Variants in BCO1 observed in about 807,000 individuals in gnomAD.
BCO1 encodes the protein beta,beta-carotene 15,15'-dioxygenase.
In BCO1, 54 loss-of-function variants were observed where a neutral mutation model predicts 56.3. The ratio of observed to expected loss-of-function variants is 0.96; its 90% CI spans 0.77 to 1.20. The LOEUF (loss-of-function observed/expected upper bound fraction) is 1.20, where lower values mean the gene tolerates loss of function less well. BCO1 is among the 50% of genes most tolerant of loss of function. The probability of loss-of-function intolerance (pLI) is 0.00; values close to 1 mark genes in which losing one functional copy is unlikely to be tolerated. For synonymous variants in BCO1, 318 were observed against 266.1 expected (o/e 1.20, Z -1.90); for missense variants, 801 against 690.9 (o/e 1.16, Z -1.79).
At chr16:81,243,249 G>A (rs535679801) in intron 1 of BCO1, among the ~76,000 whole-genome samples, 1 of 152,150 alleles carries the variant, frequency 6.6e-6, no homozygotes, top group South Asian at 2.1e-4. Flanking sequence ...TTTTTAAATT[G>A]CAGAAAATAT....
intron 1 of BCO1, among the ~76,000 whole-genome samples, chr16:81,240,482 GAT>G (rs1337459922): frequency 6.6e-6 from 1 of 152,118 alleles, no homozygotes; most frequent in African/African-American, 2.4e-5. Flanking sequence ...AAAGAGGGTG[GAT>G]CACTTGAAGC....
At chr16:81,255,911 C>T (rs985841547) in intron 2 of BCO1, among the ~76,000 whole-genome samples, 3 of 151,984 alleles carry the variant, frequency 2.0e-5, no homozygotes, top group Admixed American at 6.6e-5. Flanking sequence ...CTGCAAGCTC[C>T]GCCTCCCAGG....
chr16:81,280,899 A>G lies in BCO1; in HGVS notation c.1144A>G (p.Thr382Ala), dbSNP rs1262132285. 2 of 1,614,174 alleles carry G rather than the reference A, an allele frequency of 1.2e-6. No individual in the cohort carries two copies. Among genetic ancestry groups the G allele is most frequent in the Non-Finnish European group, 8.5e-7 (1 of 1,180,022 alleles). ...GTNLIKVAST[T>A]ATALKEEDGQ... ...AAATTTAATCAAAGTGGCATCTACA[A>G]CAGCCACGGCCCTGAAGGAAGAAGA... Residue 382 changes from threonine to alanine, a missense_variant, in exon 8 of 11, where the codon ACA becomes GCA. Thr to Ala is a moderately conservative substitution (Grantham distance 58, BLOSUM62 0). Transcript: ENST00000258168.
intron 7 of BCO1, among the ~76,000 whole-genome samples, chr16:81,277,957 G>A (rs1907653591): frequency 6.6e-6 from 1 of 152,208 alleles, no homozygotes; most frequent in African/African-American, 2.4e-5. Flanking sequence ...GTCTCTTGCT[G>A]TCACATGCTT....
chr16:81,248,921 A>G (rs1382195009), intron 2 of BCO1, among the ~76,000 whole-genome samples: 2 of 152,070 alleles, frequency 1.3e-5, no homozygotes, highest in Non-Finnish European at 2.9e-5. Flanking sequence ...CTGAGATAGG[A>G]TAATTGCTTG....
At chr16:81,279,375 C>G (rs1335511652) in intron 7 of BCO1, among the ~76,000 whole-genome samples, 1 of 152,146 alleles carries the variant, frequency 6.6e-6, no homozygotes, top group Non-Finnish European at 1.5e-5. Flanking sequence ...TCTTGTTCCT[C>G]AATATCTTCC....
Position 81,245,560 on chromosome 16 carries a change from G to C in BCO1, c.150G>C (p.Trp50Cys). The C allele has an allele frequency of 3.7e-6, 6 of 1,614,208 alleles. No homozygotes were observed. The highest frequency in any genetic ancestry group is 4.2e-6 in the Non-Finnish European group (5 of 1,180,044). Residue 50 changes from tryptophan to cysteine, a missense_variant, in exon 2 of 11, where the codon TGG becomes TGC. Physicochemically the swap from Trp to Cys is radical, Grantham distance 215. Transcript: ENST00000258168. ...TTGGGGAGTCCAGATACAACCATTG[G>C]TTCGACGGCCTTGCCCTGCTCCACA... ...HTVGESRYNH[W>C]FDGLALLHSF...
intron 3 of BCO1, 34 bp from the exon 4 acceptor site, chr16:81,262,102 G>T: frequency 6.2e-7 from 1 of 1,611,208 alleles, no homozygotes. Flanking sequence ...GGTGGACATA[G>T]CCACTGACTC....
intron 7 of BCO1, among the ~76,000 whole-genome samples, chr16:81,278,786 G>A (rs1597372271): frequency 6.6e-6 from 1 of 152,280 alleles, no homozygotes; most frequent in East Asian, 1.9e-4. Context: ...AAAGGCCCCA[G>A]GCACAGGGTC....
intron 1 of BCO1, among the ~76,000 whole-genome samples, chr16:81,244,067 C>A (rs993849265): frequency 2.0e-5 from 3 of 152,228 alleles, no homozygotes; most frequent in African/African-American, 7.2e-5. Context: ...ATTACCTATC[C>A]GAGGTGCTTC....
intron 6 of BCO1, among the ~76,000 whole-genome samples, chr16:81,269,789 C>G (rs1377055336): frequency 6.6e-6 from 1 of 152,130 alleles, no homozygotes; most frequent in African/African-American, 2.4e-5. Context: ...TTAGATGGAG[C>G]CTGGCACCTG....
chr16:81,273,142 T>G (rs974428071), intron 7 of BCO1, among the ~76,000 whole-genome samples: 1 of 152,086 alleles, frequency 6.6e-6, no homozygotes, highest in Non-Finnish European at 1.5e-5. Flanking sequence ...GCTCATTTTT[T>G]GTTTGTTTGT....
At chr16:81,253,323 T>C (rs1165749391) in intron 2 of BCO1, among the ~76,000 whole-genome samples, 1 of 152,172 alleles carries the variant, frequency 6.6e-6, no homozygotes, top group Non-Finnish European at 1.5e-5. Context: ...ACCTACTATG[T>C]GCACAGTGCT....
chr16:81,261,940 C>G (rs1906510071), intron 3 of BCO1, 196 bp from the exon 4 acceptor site: 10 of 584,284 alleles, frequency 1.7e-5, no homozygotes, highest in Non-Finnish European at 2.5e-5. Flanking sequence ...GACGGGGTTT[C>G]ACCGTGTTGG....
Position 81,244,677 on chromosome 16 carries a change from C to G in BCO1, c.65-798C>G, listed in dbSNP as rs866206000. Among the ~76,000 whole-genome samples the G allele has an allele frequency of 1.4e-4, 21 of 151,470 alleles. 1 individual carries two copies. Among genetic ancestry groups the G allele is most frequent in the Middle Eastern group, 6.8e-3 (2 of 294 alleles). On this transcript the variant is annotated intron_variant, in intron 1 of 10. Coordinates refer to ENST00000258168, the MANE Select transcript of BCO1 (RefSeq NM_017429.3). Reference sequence around the variant, plus strand: ...AGCCCACCCGAGGGCTGTTCTGTTTCACAAAGAACCTTTTTCTACGTCTGT... The same window carrying G: ...AGCCCACCCGAGGGCTGTTCTGTTTGACAAAGAACCTTTTTCTACGTCTGT...
intron 2 of BCO1, among the ~76,000 whole-genome samples, chr16:81,250,467 A>G (rs113260903): frequency 1.3e-5 from 2 of 150,970 alleles, no homozygotes; most frequent in African/African-American, 4.9e-5. Context: ...GTTCAGTTCC[A>G]CTCTAGCGGG....
At chr16:81,260,225 C>T (rs557441785) in intron 3 of BCO1, among the ~76,000 whole-genome samples, 44 of 149,824 alleles carry the variant, frequency 2.9e-4, no homozygotes, top group South Asian at 1.5e-3. Flanking sequence ...TAAAACTGTA[C>T]GAGAAAATGC....
intron 3 of BCO1, among the ~76,000 whole-genome samples, chr16:81,260,636 G>A (rs1038417895): frequency 1.3e-5 from 2 of 152,100 alleles, no homozygotes; most frequent in Non-Finnish European, 1.5e-5. Context: ...AGCCTCCCAA[G>A]TAGCTGGGAT....
At chr16:81,270,991 G>T (rs944270457) in intron 7 of BCO1, among the ~76,000 whole-genome samples, 6 of 152,054 alleles carry the variant, frequency 3.9e-5, no homozygotes, top group African/African-American at 9.7e-5. Flanking sequence ...TGATCCACCC[G>T]CCTCGGCCTC....
Sources: allele counts gnomAD v4.1 joint callset (sites outside exome capture counted in the v4.1 genomes callset), GRCh38; gene constraint gnomAD v4.1.1; transcripts MANE v1.5; gene names NCBI Gene and HGNC (gene_info 2026-07-23, HGNC 2026-07-21).